Variants in EBI3 observed in about 807,000 individuals in gnomAD.
The protein encoded by EBI3 is Epstein-Barr virus induced 3, also known as interleukin-27 subunit beta.
In EBI3, 19 loss-of-function variants were observed where a neutral mutation model predicts 21.3. That is an observed-to-expected ratio of 0.89 (90% confidence interval 0.62 to 1.31). EBI3 has a LOEUF of 1.31. EBI3 is among the 50% of genes most tolerant of loss of function. EBI3 has a pLI of 0.00. For synonymous variants in EBI3, 154 were observed against 131.2 expected, an observed-to-expected ratio of 1.17 and a Z score of -1.19; for missense variants, 331 against 314.0, an observed-to-expected ratio of 1.05 and a Z score of -0.41.
chr19:4,230,326 A>C (rs1027400105), intron 1 of EBI3, among the ~76,000 whole-genome samples: 3 of 152,160 alleles, frequency 2.0e-5, no homozygotes, highest in Non-Finnish European at 4.4e-5. Context: ...GCACTTTGGG[A>C]GGCCAGGGCG....
chr19:4,231,418 A>C (rs1599486757), intron 2 of EBI3, 95 bp downstream of exon 2: 2 of 1,413,042 alleles, frequency 1.4e-6, no homozygotes, highest in South Asian at 3.2e-5. Context: ...AAAACTGGAG[A>C]CCCCGACATC....
chr19:4,237,062 A>T lies in EBI3; in HGVS notation c.664A>T (p.Thr222Ser). 6.4e-7 allele frequency: 1 copy of T among 1,558,260 alleles called. No homozygotes were observed. Among genetic ancestry groups the T allele is most frequent in the Non-Finnish European group, 8.7e-7 (1 of 1,148,870 alleles). Residue 222 changes from threonine to serine, a missense_variant, in exon 5 of 5, where the codon ACT (threonine) becomes TCT (serine). By Grantham distance (58) the Thr-to-Ser change is moderately conservative. Transcript: ENST00000221847. ...GELSDWSLPA[T>S]ATMSLGK ...ACTGAGTGACTGGAGTCTCCCCGCC[A>T]CTGCCACAATGAGCCTGGGCAAGTA...
At chr19:4,231,992 C>T (rs941188640) in intron 2 of EBI3, among the ~76,000 whole-genome samples, 26 of 151,388 alleles carry the variant, frequency 1.7e-4, no homozygotes, top group African/African-American at 5.3e-4. Flanking sequence ...TTTGGGAGGC[C>T]GAGGTGGGCG....
rs1599489192 is a variant in EBI3 at position 4,235,465 on chromosome 19, G to A, written c.537+641G>A. On this transcript the variant is annotated intron_variant, in intron 4 of 4. Coordinates refer to ENST00000221847, the MANE Select transcript of EBI3 (RefSeq NM_005755.3). ...CTCCTGAATAGCTGGGACTACAGGC[G>A]CCCACCACGCCCGGCTAATTTCTGT... 7.9e-5 allele frequency among the ~76,000 whole-genome samples: 12 copies of A among 151,272 alleles called. No homozygotes were observed. In the South Asian group the frequency reaches 2.3e-3, roughly 29 times the overall value.
At chr19:4,236,913 C>G in intron 4 of EBI3, 23 bp from the exon 5 acceptor site, 1 of 1,483,380 alleles carries the variant, frequency 6.7e-7, no homozygotes, top group East Asian at 2.5e-5. Context: ...GTTCTAGTGA[C>G]CTGACGCTCT....
At chr19:4,229,766 T>G (rs1970766083) in intron 1 of EBI3, 149 bp downstream of exon 1, 1 of 837,582 alleles carries the variant, frequency 1.2e-6, no homozygotes, top group East Asian at 2.8e-5. Context: ...ATGGAGGAAC[T>G]GAGGCACAGA....
chr19:4,234,031 C>T (rs189752226), intron 3 of EBI3, among the ~76,000 whole-genome samples: 4 of 152,220 alleles, frequency 2.6e-5, no homozygotes, highest in South Asian at 2.1e-4. Context: ...CATGGTGAAA[C>T]CCTGCCTCTA....
At chr19:4,235,533 T>A (rs1293741483) in intron 4 of EBI3, among the ~76,000 whole-genome samples, 1 of 152,116 alleles carries the variant, frequency 6.6e-6, no homozygotes, top group Non-Finnish European at 1.5e-5. Context: ...CCCAGGCTGG[T>A]CTCAAACTAC....
At position 4,232,244 on chromosome 19, in the gene EBI3, AAGAAAAG is replaced by A. The variant is rs1270954776; in HGVS notation, c.201-883_201-877del. Among the ~76,000 whole-genome samples the A allele has an allele frequency of 1.7e-3, 146 of 84,564 alleles. 4 individuals are homozygous for A. Among genetic ancestry groups the A allele is most frequent in the African/African-American group, 7.8e-3 (135 of 17,338 alleles). 55.5% of individuals were successfully genotyped at this position (84,564 alleles called of 152,430 possible). ...TCTCAAAAAAAAAAAAAAAAAAAAA[AAGAAAAG>A]AAAAGAAAAGAAAAGAAAAGAAAAA... is the stretch of plus-strand genomic sequence containing the variant. On this transcript the variant is annotated intron_variant, in intron 2 of 4. Transcript: ENST00000221847.
At chr19:4,236,222 C>T (rs1271881361) in intron 4 of EBI3, among the ~76,000 whole-genome samples, 2 of 152,000 alleles carry the variant, frequency 1.3e-5, no homozygotes, top group African/African-American at 2.4e-5. Context: ...GGTGTGGTGG[C>T]GGGCGCCTGT....
chr19:4,231,078 G>A, intron 1 of EBI3, 113 bp from the exon 2 acceptor site: 1 of 1,375,324 alleles, frequency 7.3e-7, no homozygotes, highest in Admixed American at 3.0e-5. Context: ...GCCTTTATTA[G>A]GCACCTACCA....
At chr19:4,235,407 C>T (rs1223634708) in intron 4 of EBI3, among the ~76,000 whole-genome samples, 1 of 152,090 alleles carries the variant, frequency 6.6e-6, no homozygotes, top group East Asian at 1.9e-4. Flanking sequence ...GAAACCTCCG[C>T]CTCCCAGGTT....
chr19:4,236,838 G>C, intron 4 of EBI3, 98 bp from the exon 5 acceptor site: 1 of 1,322,422 alleles, frequency 7.6e-7, no homozygotes, highest in Non-Finnish European at 9.9e-7. Context: ...GAGCCTGCAG[G>C]GGGCAGGGAG....
chr19:4,236,398 T>C (rs1237387597), intron 4 of EBI3, among the ~76,000 whole-genome samples: 1 of 150,898 alleles, frequency 6.6e-6, no homozygotes, highest in African/African-American at 2.4e-5. Context: ...GGCGGGCGCC[T>C]GTAATCCCAG....
At chr19:4,233,023 C>G (rs536568296) in intron 2 of EBI3, 106 bp from the exon 3 acceptor site, 1 of 1,306,724 alleles carries the variant, frequency 7.7e-7, no homozygotes. Context: ...TCCGCTGCCC[C>G]CTCCTGTTCC....
chr19:4,236,807 TGGGGCCAGAGTCCTGGACTGGAGCCTGCA>T, intron 4 of EBI3, 100 bp from the exon 5 acceptor site: 3 of 1,143,750 alleles, frequency 2.6e-6, no homozygotes, highest in Non-Finnish European at 3.5e-6. Context: ...GCCGCACAGC[TGGGGCCAGAGTCCTGGACTGGAGCCTGCA>T]GGGGGCAGGG....
chr19:4,236,078 T>A (rs966050665), intron 4 of EBI3, among the ~76,000 whole-genome samples: 1 of 150,782 alleles, frequency 6.6e-6, no homozygotes, highest in African/African-American at 2.4e-5. Flanking sequence ...AAAATTGGCC[T>A]GGCGCGGTGG....
At position 4,233,325 on chromosome 19, in the gene EBI3, T is replaced by TGGGGGC. The variant is rs1303150880; in HGVS notation, c.379+29_379+34dup. The TGGGGGC allele has an allele frequency of 2.1e-5, 10 of 467,448 alleles. No individual in the cohort carries two copies. The highest frequency in any genetic ancestry group is 4.8e-4 in the Middle Eastern group (1 of 2,086). The allele number at this position is 467,448 out of a possible 1,614,324, so 29.0% of individuals were successfully genotyped here. ...GCACATCAGTGAGTGGGGGCGGCAGTGGGGGCGGGGGCGGGGCTGCCGTCT... is the reference window on the plus strand; with the variant it reads ...GCACATCAGTGAGTGGGGGCGGCAGTGGGGGCGGGGGCGGGGGCGGGGCTGCCGTCT... On this transcript the variant is annotated intron_variant, in intron 3 of 4. Coordinates refer to ENST00000221847, the MANE Select transcript of EBI3 (RefSeq NM_005755.3).
intron 4 of EBI3, among the ~76,000 whole-genome samples, chr19:4,235,810 C>G (rs1198668019): frequency 6.6e-6 from 1 of 152,078 alleles, no homozygotes; most frequent in Non-Finnish European, 1.5e-5. Context: ...ACACCTGTAC[C>G]CCCAGTTACA....
Sources: gnomAD v4.1 joint callset for allele counts (sites outside exome capture counted in the v4.1 genomes callset) on GRCh38, gnomAD v4.1.1 for gene constraint, MANE v1.5 for transcripts, NCBI Gene and HGNC (gene_info 2026-07-23, HGNC 2026-07-21) for gene names.